The following PIK3AP1 variants were observed in gnomAD, a reference collection of about 807,000 sequenced individuals.
PIK3AP1 encodes phosphoinositide-3-kinase adaptor protein 1.
Under a neutral mutation model 88.1 loss-of-function variants are expected in PIK3AP1, and 21 were observed. The ratio of observed to expected loss-of-function variants is 0.24; its 90% confidence interval spans 0.17 to 0.34. The LOEUF is 0.34. Among genes scored for constraint, PIK3AP1 ranks in the 10% least tolerant of loss-of-function variants. PIK3AP1 has a pLI of 1.00. For synonymous variants in PIK3AP1, 398 were observed against 400.0 expected (o/e 1.00, Z 0.06); for missense variants, 828 against 1,035.7 (o/e 0.80, Z 2.75).
At chr10:96,632,292 C>A (rs1180340951) in intron 8 of PIK3AP1, among the ~76,000 whole-genome samples, 3 of 152,186 alleles carry the variant, frequency 2.0e-5, no homozygotes, top group East Asian at 3.8e-4. Flanking sequence ...AATTCCCTGC[C>A]TTTGGTAATT....
intron 2 of PIK3AP1, 140 bp from the exon 3 acceptor site, chr10:96,657,074 C>T: frequency 2.2e-6 from 2 of 895,644 alleles, no homozygotes; most frequent in Non-Finnish European, 3.3e-6. Flanking sequence ...GGGACTGACT[C>T]AGGAAATCAT....
intron 12 of PIK3AP1, chr10:96,618,931 T>C (rs1843037856): frequency 1.3e-5 from 2 of 152,064 alleles, no homozygotes; most frequent in South Asian, 2.1e-4. Context: ...CTCTCCAGAG[T>C]GCCCTCCCAC....
At chr10:96,606,143 T>C (rs1188843568) in intron 14 of PIK3AP1, among the ~76,000 whole-genome samples, 1 of 152,148 alleles carries the variant, frequency 6.6e-6, no homozygotes, top group Non-Finnish European at 1.5e-5. Context: ...TCGTTACCCA[T>C]ACACAACACT....
At chr10:96,606,547 C>T (rs55892957) in intron 14 of PIK3AP1, among the ~76,000 whole-genome samples, 1,794 of 152,370 alleles carry the variant, frequency 0.012, 19 homozygotes, top group Non-Finnish European at 0.019. Flanking sequence ...CCCTCCTCCT[C>T]TCCAAGCTGA....
At chr10:96,602,455 C>T in intron 15 of PIK3AP1, 57 bp from the exon 16 acceptor site, 1 of 1,454,232 alleles carries the variant, frequency 6.9e-7, no homozygotes, top group Non-Finnish European at 9.6e-7. Context: ...ACCAGCATAG[C>T]TGGACAACCG....
Position 96,595,684 on chromosome 10 carries a change from A to T in PIK3AP1, c.2361-50T>A, listed in dbSNP as rs371510754. The stretch of plus-strand genomic sequence containing the variant: ...TATTTAAAAACTAATTTGATTAAAC[A>T]GTTCTTAGGAATGCACAATTTGTTG... On this transcript the variant is annotated intron_variant, in intron 16 of 16. Coordinates refer to ENST00000339364, the MANE Select transcript of PIK3AP1 (RefSeq NM_152309.3). The T allele has an allele frequency of 7.0e-6, 11 of 1,579,822 alleles. No homozygotes were observed. In the South Asian group the frequency reaches 1.0e-4, roughly 15 times the overall value.
intron 8 of PIK3AP1, among the ~76,000 whole-genome samples, chr10:96,642,074 A>C (rs2134224514): frequency 6.6e-6 from 1 of 152,304 alleles, no homozygotes; most frequent in Non-Finnish European, 1.5e-5. Flanking sequence ...CAGAGACAGA[A>C]ACACAAACCA....
chr10:96,602,436 C>CGT (rs1848915792), intron 15 of PIK3AP1, 38 bp from the exon 16 acceptor site: 1 of 1,533,568 alleles, frequency 6.5e-7, no homozygotes, highest in Non-Finnish European at 9.0e-7. Flanking sequence ...GCGAAAACTA[C>CGT]ATTCAGCAAC....
At chr10:96,667,204 C>T (rs538640647) in intron 2 of PIK3AP1, among the ~76,000 whole-genome samples, 1 of 152,374 alleles carries the variant, frequency 6.6e-6, no homozygotes, top group African/African-American at 2.4e-5. Flanking sequence ...TCCAACTGAG[C>T]TTTCACACCA....
At chr10:96,700,603 G>C (rs773100439) in intron 2 of PIK3AP1, among the ~76,000 whole-genome samples, 3 of 152,136 alleles carry the variant, frequency 2.0e-5, no homozygotes, top group South Asian at 2.1e-4. Flanking sequence ...CCTTCAGCAG[G>C]GGGTATTTAA....
intron 8 of PIK3AP1, among the ~76,000 whole-genome samples, chr10:96,629,933 G>GAAGAAA (rs1564961923): frequency 6.7e-4 from 25 of 37,574 alleles, no homozygotes; most frequent in Non-Finnish European, 1.0e-3. Context: ...AAAAAAAAAA[G>GAAGAAA]AAGAAGAAGA....
At chr10:96,686,763 C>T (rs1445979524) in intron 2 of PIK3AP1, among the ~76,000 whole-genome samples, 1 of 152,086 alleles carries the variant, frequency 6.6e-6, no homozygotes, top group East Asian at 1.9e-4. Flanking sequence ...TGCGTCATAT[C>T]TCTTCCACTC....
At chr10:96,679,542 T>G (rs537834598) in intron 2 of PIK3AP1, among the ~76,000 whole-genome samples, 1 of 151,532 alleles carries the variant, frequency 6.6e-6, no homozygotes, top group Admixed American at 6.6e-5. Context: ...AAAAAAAAAA[T>G]TATTAATATC....
intron 13 of PIK3AP1, among the ~76,000 whole-genome samples, chr10:96,611,039 G>C (rs1446011195): frequency 6.6e-6 from 1 of 152,172 alleles, no homozygotes; most frequent in Non-Finnish European, 1.5e-5. Context: ...GAGAGTCCAG[G>C]GGCAGAGGTG....
intron 13 of PIK3AP1, among the ~76,000 whole-genome samples, chr10:96,616,161 A>T (rs993258543): frequency 2.0e-5 from 3 of 152,128 alleles, no homozygotes; most frequent in Admixed American, 6.5e-5. Context: ...TGGCCCTGCT[A>T]TTGCACCATG....
chr10:96,602,436 C>T, intron 15 of PIK3AP1, 38 bp from the exon 16 acceptor site: 2 of 1,533,686 alleles, frequency 1.3e-6, no homozygotes, highest in Non-Finnish European at 1.8e-6. Context: ...GCGAAAACTA[C>T]ATTCAGCAAC....
intron 1 of PIK3AP1, among the ~76,000 whole-genome samples, chr10:96,718,903 C>T (rs571165512): frequency 6.6e-6 from 1 of 152,256 alleles, no homozygotes; most frequent in Admixed American, 6.5e-5. Context: ...TCCTTTAACG[C>T]ACCACATACA....
At chr10:96,595,971 T>G (rs1848746932) in intron 16 of PIK3AP1, among the ~76,000 whole-genome samples, 1 of 152,234 alleles carries the variant, frequency 6.6e-6, no homozygotes, top group Admixed American at 6.5e-5. Context: ...TTTCATTATC[T>G]GATGTTTTGC....
At chr10:96,698,084 C>T (rs565157073) in intron 2 of PIK3AP1, among the ~76,000 whole-genome samples, 1 of 152,160 alleles carries the variant, frequency 6.6e-6, no homozygotes, top group South Asian at 2.1e-4. Flanking sequence ...GGGCCCAAGG[C>T]CAAACATTAT....
Sources: allele counts gnomAD v4.1 joint callset (sites outside exome capture counted in the v4.1 genomes callset), GRCh38; gene constraint gnomAD v4.1.1; transcripts MANE v1.5; gene names NCBI Gene and HGNC (gene_info 2026-07-23, HGNC 2026-07-21).